Variants in ETV1 observed in about 807,000 individuals in gnomAD.
The protein encoded by ETV1 is ETS variant transcription factor 1.
In ETV1, 27 loss-of-function variants were observed where a neutral mutation model predicts 62.3. That is an observed-to-expected ratio of 0.43 (90% CI 0.32 to 0.60). The LOEUF is 0.60. Ranked by LOEUF, ETV1 falls within the 20% of genes least tolerant of loss-of-function variation. The pLI is 0.06. For missense variants in ETV1, 605 were observed against 605.8 expected, an observed-to-expected ratio of 1.00 and a Z score of 0.01; for synonymous variants, 222 against 199.6, an observed-to-expected ratio of 1.11 and a Z score of -0.94.
chr7:13,988,497 C>A, intron 3 of ETV1: 1 of 678,742 alleles, frequency 1.5e-6, no homozygotes, highest in Non-Finnish European at 2.4e-6. Flanking sequence ...TAGGCTGGTT[C>A]AATGCTAGAT....
At chr7:13,924,747 C>A (rs1291575841) in intron 9 of ETV1, among the ~76,000 whole-genome samples, 1 of 152,184 alleles carries the variant, frequency 6.6e-6, no homozygotes, top group Non-Finnish European at 1.5e-5. Context: ...CACAATATAT[C>A]TGTAACTGAT....
chr7:13,965,491 T>C (rs1429585811), intron 6 of ETV1, among the ~76,000 whole-genome samples: 1 of 152,128 alleles, frequency 6.6e-6, no homozygotes, highest in Non-Finnish European at 1.5e-5. Flanking sequence ...TTGAAGCTTG[T>C]ACGTGTAGTC....
intron 5 of ETV1, among the ~76,000 whole-genome samples, chr7:13,979,906 C>T (rs1781820418): frequency 6.6e-6 from 1 of 152,038 alleles, no homozygotes; most frequent in African/African-American, 2.4e-5. Flanking sequence ...GCAGCACAGA[C>T]TCACTGATGG....
intron 9 of ETV1, among the ~76,000 whole-genome samples, 179 bp from the exon 10 acceptor site, chr7:13,911,486 T>C (rs368914229): frequency 3.3e-5 from 5 of 152,160 alleles, no homozygotes; most frequent in East Asian, 3.9e-4. Flanking sequence ...GAATGAAGAG[T>C]ATATATCTTG....
At chr7:13,986,150 G>A in intron 5 of ETV1, 4 of 1,594,306 alleles carry the variant, frequency 2.5e-6, no homozygotes, top group Non-Finnish European at 3.4e-6. Context: ...GTGGAAAGAA[G>A]ACACTTGCAC....
chr7:13,911,358 C>A, intron 9 of ETV1, 51 bp from the exon 10 acceptor site: 6 of 1,316,506 alleles, frequency 4.6e-6, no homozygotes, highest in African/African-American at 4.3e-5. Context: ...TGAAACGCTG[C>A]GGTTATCAAT....
Position 13,983,267 on chromosome 7 carries a change from A to C in ETV1, c.181+3371T>G, listed in dbSNP as rs539378131. 4.7e-4 allele frequency among the ~76,000 whole-genome samples: 71 copies of C among 152,148 alleles called. 2 individuals are homozygous for C. The South Asian group carries it at 0.013, about 29-fold the overall frequency. On this transcript the variant is annotated intron_variant, in intron 5 of 13. Transcript: ENST00000430479. ...GAGAGCAGCTACACATTTACATCAGATATATACTGAAAATTATTATTTCCC... is the reference window on the plus strand; with the variant it reads ...GAGAGCAGCTACACATTTACATCAGCTATATACTGAAAATTATTATTTCCC...
Position 13,989,371 on chromosome 7 carries a change from C to A in ETV1, c.-191G>T, listed in dbSNP as rs1397029853. On this transcript the variant is annotated 5_prime_UTR_variant, in exon 2 of 14. In the 5' UTR this introduces an upstream ATG that the reference lacks. Coordinates refer to ENST00000430479, the MANE Select transcript of ETV1 (RefSeq NM_004956.5). ...ATTTATTTACACTCTCGATGTTTCC[C>A]TGCGCGGTCGGTGTACCCCGGGCAG... 3 of 485,642 alleles carry A rather than the reference C, an allele frequency of 6.2e-6. No individual in the cohort carries two copies. Among genetic ancestry groups the A allele is most frequent in the African/African-American group, 6.0e-5 (3 of 50,040 alleles). 30.1% of individuals were successfully genotyped at this position (485,642 alleles called of 1,614,324 possible).
chr7:13,966,156 T>C (rs1338649075), intron 6 of ETV1, among the ~76,000 whole-genome samples: 1 of 152,206 alleles, frequency 6.6e-6, no homozygotes, highest in Non-Finnish European at 1.5e-5. Context: ...CAATACTCTG[T>C]AAATAGTAAT....
intron 5 of ETV1, among the ~76,000 whole-genome samples, chr7:13,979,792 T>C (rs1269409519): frequency 2.0e-5 from 3 of 152,116 alleles, no homozygotes; most frequent in African/African-American, 7.2e-5. Flanking sequence ...AACAAAAGTA[T>C]ACTTGTAACT....
chr7:13,893,917 C>A lies in ETV1; in HGVS notation c.*1949G>T, dbSNP rs555102294. The stretch of plus-strand genomic sequence containing the variant: ...ATACATGATGTATATGAACAACAAT[C>A]ATTGAAATCGCAGGTTACATACATA... On this transcript the variant is annotated 3_prime_UTR_variant, in exon 14 of 14. Coordinates refer to ENST00000430479, the MANE Select transcript of ETV1 (RefSeq NM_004956.5). 149 of 233,160 alleles carry A rather than the reference C, an allele frequency of 6.4e-4. No individual in the cohort carries two copies. The highest frequency in any genetic ancestry group is 2.9e-3 in the African/African-American group (130 of 45,426). The allele number at this position is 233,160 out of a possible 1,614,324, so 14.4% of individuals were successfully genotyped here.
intron 13 of ETV1, 35 bp from the exon 14 acceptor site, chr7:13,896,122 A>G (rs761756345): frequency 1.3e-6 from 2 of 1,554,606 alleles, no homozygotes; most frequent in African/African-American, 1.4e-5. Context: ...ACCCATCCTC[A>G]CCATCGCCAG....
chr7:13,908,895 G>A (rs1372307774), intron 11 of ETV1, among the ~76,000 whole-genome samples: 1 of 151,990 alleles, frequency 6.6e-6, no homozygotes, highest in South Asian at 2.1e-4. Flanking sequence ...CAGGAAATAT[G>A]AAAACCACTC....
chr7:13,970,956 CTTTTATTTATTTTA>C (rs1396600032), intron 6 of ETV1, among the ~76,000 whole-genome samples: 1 of 151,314 alleles, frequency 6.6e-6, no homozygotes, highest in African/African-American at 2.4e-5. Context: ...GCTATTCTTT[CTTTTATTTATTTTA>C]TTTTATTTAT....
chr7:13,974,514 A>C (rs892588506), intron 6 of ETV1, among the ~76,000 whole-genome samples: 1 of 152,222 alleles, frequency 6.6e-6, no homozygotes, highest in Non-Finnish European at 1.5e-5. Flanking sequence ...GCAAAGAGGG[A>C]AAATCAAAAG....
At chr7:13,988,806 A>C (rs777857161) in intron 3 of ETV1, 25 of 1,603,656 alleles carry the variant, frequency 1.6e-5, no homozygotes, top group Non-Finnish European at 2.1e-5. Context: ...TTAAAAACAA[A>C]ACTATGCCTT....
At chr7:13,925,656 C>T (rs1785332717) in intron 9 of ETV1, among the ~76,000 whole-genome samples, 1 of 151,946 alleles carries the variant, frequency 6.6e-6, no homozygotes, top group East Asian at 1.9e-4. Context: ...AGCTACACCT[C>T]CCTGGTTCAC....
chr7:13,957,678 C>G (rs960408663), intron 6 of ETV1, among the ~76,000 whole-genome samples: 1 of 152,174 alleles, frequency 6.6e-6, no homozygotes, highest in African/African-American at 2.4e-5. Context: ...TGCTGTAACT[C>G]CAGGTGTAAG....
chr7:13,960,753 C>T (rs1187269764), intron 6 of ETV1, among the ~76,000 whole-genome samples: 1 of 152,088 alleles, frequency 6.6e-6, no homozygotes, highest in Non-Finnish European at 1.5e-5. Context: ...AAACTAGAAC[C>T]TATTTTTCTT....
Sources: gnomAD v4.1 joint callset for allele counts (sites outside exome capture counted in the v4.1 genomes callset) on GRCh38, gnomAD v4.1.1 for gene constraint, MANE v1.5 for transcripts, NCBI Gene and HGNC (gene_info 2026-07-23, HGNC 2026-07-21) for gene names.